Variants in CAMKK2 observed in about 807,000 individuals in gnomAD.
The protein encoded by CAMKK2 is calcium/calmodulin-dependent protein kinase kinase 2.
A neutral mutation model predicts 67.2 loss-of-function variants in CAMKK2; 30 were observed. The ratio of observed to expected loss-of-function variants is 0.45; its 90% CI spans 0.33 to 0.61. The LOEUF (loss-of-function observed/expected upper bound fraction) is 0.61. CAMKK2 is among the 20% of genes least tolerant of loss of function. The pLI, the probability that CAMKK2 is intolerant of heterozygous loss-of-function variation, is 0.02. For missense variants in CAMKK2, 643 were observed against 802.0 expected, an observed-to-expected ratio of 0.80 and a Z score of 2.39; for synonymous variants, 322 against 326.2, an observed-to-expected ratio of 0.99 and a Z score of 0.14.
rs766989814 is a variant in CAMKK2, at chr12:121,248,745, C to T, written c.1324-11G>A. On this transcript the variant is annotated splice_polypyrimidine_tract_variant and intron_variant, in intron 13 of 16. Coordinates refer to ENST00000404169, the MANE Select transcript of CAMKK2 (RefSeq NM_001270485.2). ...GACCCAGGGGTGCAGCTTCAACGAA[C>T]GACAGGAGGGGTGAGGGGCAGGTGT... 9.3e-6 allele frequency: 15 copies of T among 1,613,778 alleles called. No homozygotes were observed. The highest frequency in any genetic ancestry group is 5.0e-5 in the Admixed American group (3 of 60,018).
At chr12:121,255,859 C>G (rs1593331007) in intron 7 of CAMKK2, 55 bp from the exon 8 acceptor site, 8 of 1,550,552 alleles carry the variant, frequency 5.2e-6, no homozygotes, top group South Asian at 1.1e-5. Context: ...ATCCATCTCT[C>G]TCTGTCCTCC....
chr12:121,269,757 G>A, intron 3 of CAMKK2, 176 bp from the exon 4 acceptor site: 1 of 609,490 alleles, frequency 1.6e-6, no homozygotes. Context: ...TTTAAAAACA[G>A]AAAGATCTGG....
At position 121,255,108 on chromosome 12, in the gene CAMKK2, T is replaced by C. The variant is rs947190723; in HGVS notation, c.907+442A>G. On this transcript the variant is annotated intron_variant, in intron 9 of 16. Coordinates refer to ENST00000404169, the MANE Select transcript of CAMKK2 (RefSeq NM_001270485.2). Reference sequence around the variant, plus strand: ...ACGTTCTTTAGTTTTGAGAGTTAGATGGGCTCTCCTTGCTCCTCAAGCTTG... The same window carrying C: ...ACGTTCTTTAGTTTTGAGAGTTAGACGGGCTCTCCTTGCTCCTCAAGCTTG... Among the ~76,000 whole-genome samples the C allele has an allele frequency of 1.7e-4, 24 of 144,386 alleles. No homozygotes were observed. In the Admixed American group the frequency reaches 1.8e-3, roughly 11 times the overall value. The allele number at this position is 144,386 out of a possible 152,430, so 94.7% of individuals were successfully genotyped here.
intron 1 of CAMKK2, among the ~76,000 whole-genome samples, chr12:121,283,276 G>A (rs1348771009): frequency 1.3e-5 from 2 of 152,156 alleles, no homozygotes; most frequent in Non-Finnish European, 2.9e-5. Context: ...CCCTAGCCCA[G>A]CTAAGCAGGG....
Position 121,296,462 on chromosome 12 carries a change from T to C in CAMKK2, c.-60+176A>G, listed in dbSNP as rs1017756627. On this transcript the variant is annotated intron_variant, in intron 1 of 16. Coordinates refer to ENST00000404169, the MANE Select transcript of CAMKK2 (RefSeq NM_001270485.2). This position sits in a 1 kb window ranked among gnomAD's most constrained non-coding sequence, Gnocchi z 7.1. ...CTGTCGGGGACCGTGTCCCTCCACG[T>C]GGCGGGGCGTGGGGAGGCGCACGTG... 6.6e-6 allele frequency among the ~76,000 whole-genome samples: 1 copy of C among 152,046 alleles called. No individual in the cohort carries two copies. The highest frequency in any genetic ancestry group is 2.4e-5 in the African/African-American group (1 of 41,428).
At chr12:121,284,169 G>C (rs1898295624) in intron 1 of CAMKK2, among the ~76,000 whole-genome samples, 1 of 152,270 alleles carries the variant, frequency 6.6e-6, no homozygotes, top group Non-Finnish European at 1.5e-5. Context: ...GCAAAGACAG[G>C]TGCACATCAG....
In CAMKK2 at chr12:121,245,004, C is replaced by A. The variant is rs142614788; in HGVS notation, c.1553+136G>T. The A allele has an allele frequency of 7.8e-6, 5 of 641,762 alleles. No individual in the cohort carries two copies. The highest frequency in any genetic ancestry group is 7.3e-5 in the African/African-American group (4 of 55,124). 39.8% of individuals were successfully genotyped at this position (641,762 alleles called of 1,614,324 possible). On this transcript the variant is annotated intron_variant, in intron 15 of 16. Transcript: ENST00000404169. This position sits in a 1 kb window ranked among gnomAD's most constrained non-coding sequence, Gnocchi z 5.8. ...TTGGGGTGCTGACTGTCCCAGTGCACCAGGTGGGTTTCATCTGAGTCTCTC... is the reference window on the plus strand; with the variant it reads ...TTGGGGTGCTGACTGTCCCAGTGCAACAGGTGGGTTTCATCTGAGTCTCTC...
At chr12:121,241,231 C>T (rs1888309870) in intron 16 of CAMKK2, among the ~76,000 whole-genome samples, 1 of 152,208 alleles carries the variant, frequency 6.6e-6, no homozygotes, top group Non-Finnish European at 1.5e-5. Flanking sequence ...GTACTTCGAT[C>T]CCCCACTTAG....
chr12:121,249,609 T>C (rs2288692), intron 13 of CAMKK2, among the ~76,000 whole-genome samples, 178 bp downstream of exon 13: 39,274 of 151,992 alleles, frequency 0.26, 5,696 homozygotes, highest in African/African-American at 0.38. Context: ...GTGCACACAA[T>C]GCCCAAATCT....
chr12:121,262,368 C>T (rs1893628023), intron 6 of CAMKK2, among the ~76,000 whole-genome samples: 1 of 151,926 alleles, frequency 6.6e-6, no homozygotes. Flanking sequence ...AAAAATTAGC[C>T]AGGCGTGGTA....
At chr12:121,260,470 CT>C in intron 6 of CAMKK2, 115 bp from the exon 7 acceptor site, 1 of 860,330 alleles carries the variant, frequency 1.2e-6, no homozygotes, top group East Asian at 2.6e-5. Context: ...AACAGGAGGG[CT>C]GCATTTGGCA....
In CAMKK2 at chr12:121,240,656, A is replaced by C; in HGVS notation, c.*43T>G. The C allele has an allele frequency of 1.3e-6, 2 of 1,550,852 alleles. No homozygotes were observed. Among genetic ancestry groups the C allele is most frequent in the Non-Finnish European group, 1.7e-6 (2 of 1,153,850 alleles). Reference sequence around the variant, plus strand: ...TGGAAACGCGGTGCAGCAGCCCCCCAGAGGCGACGCGGCGCGCATGCGAGG... The same window carrying C: ...TGGAAACGCGGTGCAGCAGCCCCCCCGAGGCGACGCGGCGCGCATGCGAGG... On this transcript the variant is annotated 3_prime_UTR_variant, in exon 17 of 17. Coordinates refer to ENST00000404169, the MANE Select transcript of CAMKK2 (RefSeq NM_001270485.2). The surrounding 1 kb of genome is among the most constrained non-coding windows in gnomAD (Gnocchi z 4.4).
rs2136114903 is a variant in CAMKK2 at position 121,240,620 on chromosome 12, A to G, written c.*79T>C. 1 of 1,534,062 alleles carries G rather than the reference A, an allele frequency of 6.5e-7. No homozygotes were observed. The highest frequency in any genetic ancestry group is 1.2e-5 in the South Asian group (1 of 83,848). On this transcript the variant is annotated 3_prime_UTR_variant, in exon 17 of 17. Coordinates refer to ENST00000404169, the MANE Select transcript of CAMKK2 (RefSeq NM_001270485.2). The surrounding 1 kb of genome is among the most constrained non-coding windows in gnomAD (Gnocchi z 4.4). ...TACACACGTGCTGGGTTTCCGTAGG[A>G]CATGCTGCTATGGAAACGCGGTGCA...
chr12:121,294,224 C>T (rs868580665), intron 1 of CAMKK2, among the ~76,000 whole-genome samples: 30 of 152,164 alleles, frequency 2.0e-4, no homozygotes, highest in African/African-American at 6.3e-4. Context: ...TGAGCCACCA[C>T]GCCCAGCCAG....
chr12:121,271,998 C>G (rs1895873178), intron 2 of CAMKK2, among the ~76,000 whole-genome samples: 1 of 152,104 alleles, frequency 6.6e-6, no homozygotes, highest in Non-Finnish European at 1.5e-5. Context: ...GCGTGAGCTA[C>G]TGGGCCTAGC....
At chr12:121,264,084 A>C in intron 5 of CAMKK2, 145 bp from the exon 6 acceptor site, 2 of 695,994 alleles carry the variant, frequency 2.9e-6, no homozygotes, top group Non-Finnish European at 4.5e-6. Context: ...GGCTTTAACT[A>C]ACCCTCTACT....
Position 121,253,354 on chromosome 12 carries a change from C to A in CAMKK2, c.1026G>T (p.Ala342=), listed in dbSNP as rs112258647. ...GCGTGCCCACGGTGTTGGAGAGGAGCGCGTCACTGCCCTTGAATTCATTGC... is the reference window on the plus strand; with the variant it reads ...GCGTGCCCACGGTGTTGGAGAGGAGAGCGTCACTGCCCTTGAATTCATTGC... ...GVSNEFKGSD[A]LLSNTVGTPA... is the part of the protein sequence containing the mutation. The change falls in exon 10 of 17, where the codon GCG becomes GCT. Residue 342 remains alanine (A), a synonymous_variant. Coordinates refer to ENST00000404169, the MANE Select transcript of CAMKK2 (RefSeq NM_001270485.2). This position sits in a 1 kb window ranked among gnomAD's most constrained non-coding sequence, Gnocchi z 5.0. 3 of 1,614,140 alleles carry A rather than the reference C, an allele frequency of 1.9e-6. No individual in the cohort carries two copies. Among genetic ancestry groups the A allele is most frequent in the Non-Finnish European group, 2.5e-6 (3 of 1,180,024 alleles).
At chr12:121,268,100 A>ATATATATATATATATATATC (rs1895001844) in intron 5 of CAMKK2, among the ~76,000 whole-genome samples, 1 of 143,450 alleles carries the variant, frequency 7.0e-6, no homozygotes, top group Non-Finnish European at 1.5e-5. Context: ...ATATATATAT[A>ATATATATATATATATATATC]CTCTATTCAT....
At chr12:121,268,426 G>C (rs954157295) in intron 5 of CAMKK2, among the ~76,000 whole-genome samples, 1 of 151,906 alleles carries the variant, frequency 6.6e-6, no homozygotes, top group Non-Finnish European at 1.5e-5. Flanking sequence ...ACAGAGTCTT[G>C]CTCTGTCACC....
Sources: allele counts gnomAD v4.1 joint callset (sites outside exome capture counted in the v4.1 genomes callset), GRCh38; gene constraint gnomAD v4.1.1; non-coding constraint Gnocchi (gnomAD v3.1); transcripts MANE v1.5; gene names NCBI Gene and HGNC (gene_info 2026-07-23, HGNC 2026-07-21).